EXOC4: variants seen among roughly 807,000 people sequenced by gnomAD.
The protein encoded by EXOC4 is exocyst complex component 4, also known as SEC8-like 1.
Under a neutral mutation model 107.2 loss-of-function variants are expected in EXOC4, and 71 were observed. The ratio of observed to expected loss-of-function variants is 0.66; its 90% CI spans 0.55 to 0.81. EXOC4 has a LOEUF of 0.81. Among genes scored for constraint, EXOC4 ranks in the 30% least tolerant of loss-of-function variants. The pLI, the probability that EXOC4 is intolerant of heterozygous loss-of-function variation, is 0.00. For missense variants in EXOC4, 1,108 were observed against 1,189.6 expected, an observed-to-expected ratio of 0.93 and a Z score of 1.01; for synonymous variants, 456 against 441.2, an observed-to-expected ratio of 1.03 and a Z score of -0.42.
chr7:133,459,728 A>G (rs1487271111), intron 7 of EXOC4, among the ~76,000 whole-genome samples: 1 of 152,174 alleles, frequency 6.6e-6, no homozygotes, highest in Non-Finnish European at 1.5e-5. Context: ...GGATGTATAT[A>G]ATGCATTTCT....
intron 12 of EXOC4, among the ~76,000 whole-genome samples, chr7:133,903,783 G>A (rs1416054294): frequency 6.6e-6 from 1 of 152,146 alleles, no homozygotes; most frequent in Non-Finnish European, 1.5e-5. Flanking sequence ...TTCACAGGAG[G>A]GAGTATACTC....
At chr7:133,830,518 G>A (rs1356284887) in intron 11 of EXOC4, among the ~76,000 whole-genome samples, 1 of 152,208 alleles carries the variant, frequency 6.6e-6, no homozygotes, top group Admixed American at 6.5e-5. Context: ...CTATGTTAAA[G>A]TGTGGCCTCT....
rs141595485 is a variant in EXOC4 at position 133,338,298 on chromosome 7, A to G, written c.764-18032A>G. Among the ~76,000 whole-genome samples the G allele has an allele frequency of 1.1e-4, 17 of 152,128 alleles. No homozygotes were observed. The East Asian group carries it at 3.1e-3, about 28-fold the overall frequency. ...GTTTTCATTATCATTTTATTTTTAA[A>G]AATTTTTTATTTCAGCCGGGCGCGG... On this transcript the variant is annotated intron_variant, in intron 5 of 17. Transcript: ENST00000253861.
At chr7:133,687,992 T>G (rs899514404) in intron 10 of EXOC4, among the ~76,000 whole-genome samples, 3 of 152,168 alleles carry the variant, frequency 2.0e-5, no homozygotes, top group Non-Finnish European at 2.9e-5. Flanking sequence ...TGAAATTTAC[T>G]TTTTTTAGGA....
At position 134,011,573 on chromosome 7, in the gene EXOC4, G is replaced by A. The variant is rs577214159; in HGVS notation, c.2687+3738G>A. 2.8e-4 allele frequency among the ~76,000 whole-genome samples: 42 copies of A among 151,926 alleles called. No homozygotes were observed. In the South Asian group the frequency reaches 7.9e-3, roughly 29 times the overall value. On this transcript the variant is annotated intron_variant, in intron 17 of 17. Transcript: ENST00000253861. ...GGTAAGGAAACAAAAGCTACGATTC[G>A]GGAAGCGGTAGGGCGAAAAATTGTA... is the stretch of plus-strand genomic sequence containing the variant.
intron 4 of EXOC4, among the ~76,000 whole-genome samples, chr7:133,306,594 A>G (rs1794759317): frequency 6.6e-6 from 1 of 152,122 alleles, no homozygotes; most frequent in South Asian, 2.1e-4. Flanking sequence ...CAACTACTCC[A>G]GAGGCTGAGA....
intron 10 of EXOC4, among the ~76,000 whole-genome samples, chr7:133,730,569 G>A (rs186673086): frequency 3.3e-5 from 5 of 152,110 alleles, no homozygotes; most frequent in African/African-American, 2.4e-5. Context: ...TTTCACATTC[G>A]CTTTGGGATG....
chr7:133,394,349 A>G (rs1796923497), intron 7 of EXOC4, among the ~76,000 whole-genome samples: 1 of 152,186 alleles, frequency 6.6e-6, no homozygotes, highest in Non-Finnish European at 1.5e-5. Flanking sequence ...ATGTCTTGCT[A>G]GTGAAATGTA....
intron 7 of EXOC4, among the ~76,000 whole-genome samples, chr7:133,375,645 A>G (rs1334942024): frequency 6.6e-6 from 1 of 152,190 alleles, no homozygotes; most frequent in African/African-American, 2.4e-5. Context: ...TTATTTTATA[A>G]ACATGTACAT....
At chr7:134,011,596 G>A (rs1794764412) in intron 17 of EXOC4, among the ~76,000 whole-genome samples, 1 of 151,686 alleles carries the variant, frequency 6.6e-6, no homozygotes, top group African/African-American at 2.4e-5. Context: ...GCGAAAAATT[G>A]TAACACCCAA....
At chr7:133,505,442 C>G (rs1387001527) in intron 9 of EXOC4, among the ~76,000 whole-genome samples, 1 of 151,928 alleles carries the variant, frequency 6.6e-6, no homozygotes. Context: ...TTTTTGCAGC[C>G]TCTATGAAAA....
chr7:133,295,335 C>A (rs188292299), intron 3 of EXOC4, among the ~76,000 whole-genome samples: 2 of 152,204 alleles, frequency 1.3e-5, no homozygotes, highest in Admixed American at 6.5e-5. Flanking sequence ...TTCTGTGTTA[C>A]ATTTCTAGGA....
chr7:133,458,305 C>T (rs1031871328), intron 7 of EXOC4, among the ~76,000 whole-genome samples: 4 of 152,148 alleles, frequency 2.6e-5, no homozygotes, highest in African/African-American at 9.7e-5. Flanking sequence ...TGCAAGCCCT[C>T]GCAAATTTTG....
chr7:133,742,969 A>G lies in EXOC4; in HGVS notation c.1515-74356A>G, dbSNP rs545826875. Among the ~76,000 whole-genome samples the G allele has an allele frequency of 1.3e-3, 191 of 152,332 alleles. 1 individual carries two copies. Among genetic ancestry groups the G allele is most frequent in the Middle Eastern group, 3.4e-3 (1 of 294 alleles). ...ACAACAGACAGCAAAGACGTTTAAC[A>G]AAGATTCTTGCTGTGTAGGTGCTGC... On this transcript the variant is annotated intron_variant, in intron 10 of 17. Coordinates refer to ENST00000253861, the MANE Select transcript of EXOC4 (RefSeq NM_021807.4).
intron 2 of EXOC4, among the ~76,000 whole-genome samples, chr7:133,281,348 C>A (rs1481927040): frequency 1.4e-5 from 2 of 145,496 alleles, no homozygotes; most frequent in South Asian, 2.3e-4. Context: ...AAAAATGTAT[C>A]ATTAAAAGTC....
At chr7:133,735,933 T>C (rs919733562) in intron 10 of EXOC4, among the ~76,000 whole-genome samples, 3 of 151,834 alleles carry the variant, frequency 2.0e-5, no homozygotes, top group African/African-American at 7.3e-5. Flanking sequence ...ATAATAATAA[T>C]ATAAAAATTA....
chr7:133,702,233 G>A (rs4574786), intron 10 of EXOC4, among the ~76,000 whole-genome samples: 149,438 of 151,502 alleles, frequency 0.99, 73,745 homozygotes, highest in Middle Eastern at 1. Context: ...TAATGTGTTC[G>A]GGGTATCTAA....
At chr7:133,635,765 G>A (rs896237171) in intron 10 of EXOC4, among the ~76,000 whole-genome samples, 2 of 152,094 alleles carry the variant, frequency 1.3e-5, no homozygotes, top group Non-Finnish European at 2.9e-5. Context: ...GTACACCCTG[G>A]CCCAAGGAAA....
chr7:133,510,191 T>A (rs1239947134), intron 9 of EXOC4, among the ~76,000 whole-genome samples: 3 of 152,176 alleles, frequency 2.0e-5, no homozygotes, highest in African/African-American at 7.2e-5. Flanking sequence ...ATATTTAACT[T>A]TTGGGACATT....
Sources: allele counts gnomAD v4.1 joint callset (sites outside exome capture counted in the v4.1 genomes callset), GRCh38; gene constraint gnomAD v4.1.1; transcripts MANE v1.5; gene names NCBI Gene and HGNC (gene_info 2026-07-23, HGNC 2026-07-21).